Variants in RANBP2 observed in about 807,000 individuals in gnomAD.
RANBP2 encodes RAN binding protein 2.
A neutral mutation model predicts 303.6 loss-of-function variants in RANBP2; 57 were observed. The observed-to-expected ratio is 0.19, with a 90% CI of 0.15 to 0.23. The LOEUF is 0.23. Among genes scored for constraint, RANBP2 ranks in the 10% least tolerant of loss-of-function variants. The pLI, the probability that RANBP2 is intolerant of heterozygous loss-of-function variation, is 1.00. For synonymous variants in RANBP2, 1,167 were observed against 1,301.5 expected (o/e 0.90, Z 2.23); for missense variants, 3,138 against 3,780.8 (o/e 0.83, Z 4.46).
chr2:109,139,519 A>G, the RANBP2 span, among the ~76,000 whole-genome samples: 2 of 152,222 alleles, frequency 1.3e-5, no homozygotes, highest in Non-Finnish European at 2.9e-5. Flanking sequence ...TGTGGACTAT[A>G]GCAGAGGGAA....
the RANBP2 span, among the ~76,000 whole-genome samples, chr2:108,804,169 A>G: frequency 3.9e-5 from 6 of 152,308 alleles, no homozygotes; most frequent in East Asian, 1.2e-3. Flanking sequence ...GAAGAAGGGA[A>G]TTAATTCAAT....
the RANBP2 span, among the ~76,000 whole-genome samples, chr2:109,651,726 C>T: frequency 3.9e-5 from 6 of 152,166 alleles, no homozygotes; most frequent in African/African-American, 7.2e-5. Flanking sequence ...GACAAGGAGG[C>T]CTGGGAAGAA....
the RANBP2 span, among the ~76,000 whole-genome samples, chr2:109,338,211 T>G: frequency 1.3e-5 from 2 of 152,162 alleles, no homozygotes; most frequent in Non-Finnish European, 2.9e-5. Context: ...CTCATCTGTA[T>G]TAACTCATTC....
At chr2:109,190,893 A>C in the RANBP2 span, among the ~76,000 whole-genome samples, 1 of 151,792 alleles carries the variant, frequency 6.6e-6, no homozygotes, top group Non-Finnish European at 1.5e-5. Context: ...CCTAATCAGA[A>C]AATATGAAGA....
the RANBP2 span, among the ~76,000 whole-genome samples, chr2:109,333,504 T>C: frequency 6.6e-6 from 1 of 152,218 alleles, no homozygotes; most frequent in Non-Finnish European, 1.5e-5. Flanking sequence ...ACGTATAGCA[T>C]ACCCCACCTG....
the RANBP2 span, among the ~76,000 whole-genome samples, chr2:109,059,582 A>C: frequency 6.6e-6 from 1 of 151,216 alleles, no homozygotes; most frequent in Non-Finnish European, 1.5e-5. Flanking sequence ...TCTCAAAAAA[A>C]AAAAAAGGTC....
the RANBP2 span, among the ~76,000 whole-genome samples, chr2:109,638,747 T>TTC: frequency 6.6e-6 from 1 of 151,902 alleles, no homozygotes; most frequent in East Asian, 1.9e-4. Flanking sequence ...TAGATTCTTT[T>TTC]AACGGCTCAT....
the RANBP2 span, among the ~76,000 whole-genome samples, chr2:108,947,397 G>A: frequency 1.8e-4 from 28 of 152,154 alleles, no homozygotes; most frequent in Non-Finnish European, 2.8e-4. Flanking sequence ...GGTGGTGCTC[G>A]TCTCACAGCT....
chr2:109,344,426 G>C, the RANBP2 span, among the ~76,000 whole-genome samples: 4 of 152,326 alleles, frequency 2.6e-5, no homozygotes, highest in African/African-American at 9.6e-5. Flanking sequence ...CAGACTTCTC[G>C]TGACTGAGGA....
chr2:109,730,666 C>A, the RANBP2 span, among the ~76,000 whole-genome samples: 2 of 151,888 alleles, frequency 1.3e-5, no homozygotes, highest in African/African-American at 2.4e-5. Context: ...GATCAAGATG[C>A]CAGCATGGTC....
the RANBP2 span, among the ~76,000 whole-genome samples, chr2:109,582,624 A>G: frequency 6.6e-6 from 1 of 152,166 alleles, no homozygotes; most frequent in African/African-American, 2.4e-5. Context: ...ACTGGCCTCA[A>G]TGCTATTTCT....
chr2:109,152,587 G>T, the RANBP2 span, among the ~76,000 whole-genome samples: 6 of 152,310 alleles, frequency 3.9e-5, no homozygotes, highest in East Asian at 9.6e-4. Context: ...TATTTACATT[G>T]TGTATTATCA....
At chr2:109,452,532 A>G in the RANBP2 span, among the ~76,000 whole-genome samples, 1 of 152,202 alleles carries the variant, frequency 6.6e-6, no homozygotes, top group South Asian at 2.1e-4. Flanking sequence ...CCTTCCATGC[A>G]TGTACCAGAG....
the RANBP2 span, among the ~76,000 whole-genome samples, chr2:108,913,590 A>T: frequency 6.6e-6 from 1 of 152,128 alleles, no homozygotes; most frequent in Non-Finnish European, 1.5e-5. Context: ...GTTCAGCATC[A>T]GTTTGAAATA....
intron 1 of RANBP2, among the ~76,000 whole-genome samples, chr2:108,720,659 G>A (rs939737741): frequency 4.6e-5 from 7 of 152,210 alleles, no homozygotes; most frequent in African/African-American, 1.7e-4. Flanking sequence ...AACATTAATA[G>A]AATTTGATAG....
the RANBP2 span, among the ~76,000 whole-genome samples, chr2:109,724,959 A>G: frequency 6.6e-6 from 1 of 151,924 alleles, no homozygotes; most frequent in Non-Finnish European, 1.5e-5. Context: ...CCCTTGGGGG[A>G]GGTGAGGCAA....
At chr2:109,398,819 C>T in the RANBP2 span, 71 of 1,613,924 alleles carry the variant, frequency 4.4e-5, 1 homozygote, top group South Asian at 7.6e-4. Flanking sequence ...CACAGATCCT[C>T]CCAGGCTGCC....
At chr2:109,706,349 A>T in the RANBP2 span, among the ~76,000 whole-genome samples, 6 of 152,352 alleles carry the variant, frequency 3.9e-5, no homozygotes, top group African/African-American at 1.2e-4. Flanking sequence ...ACTTCAGCCC[A>T]CTGGCCCTGC....
At chr2:109,559,617 C>G in the RANBP2 span, among the ~76,000 whole-genome samples, 1 of 152,190 alleles carries the variant, frequency 6.6e-6, no homozygotes. Context: ...GTACCAGTAT[C>G]CATTATCCTC....
Sources: allele counts gnomAD v4.1 joint callset (sites outside exome capture counted in the v4.1 genomes callset), GRCh38; gene constraint gnomAD v4.1.1; transcripts MANE v1.5; gene names NCBI Gene and HGNC (gene_info 2026-07-23, HGNC 2026-07-21).